SLC25A38: variants seen among roughly 807,000 people sequenced by gnomAD.
SLC25A38 encodes mitochondrial glycine transporter.
In SLC25A38, 27 loss-of-function variants were observed where a neutral mutation model predicts 33.4. The ratio of observed to expected loss-of-function variants is 0.81; its 90% CI spans 0.60 to 1.11. The LOEUF (loss-of-function observed/expected upper bound fraction) is 1.11. Ranked by LOEUF, SLC25A38 falls within the 50% of genes most tolerant of loss-of-function variation. The pLI is 0.00. For synonymous variants in SLC25A38, 123 were observed against 145.9 expected (o/e 0.84, Z 1.13); for missense variants, 344 against 388.8 (o/e 0.88, Z 0.97).
chr3:39,395,776 C>T (rs1176773115), intron 6 of SLC25A38, among the ~76,000 whole-genome samples: 3 of 151,992 alleles, frequency 2.0e-5, no homozygotes, highest in Admixed American at 2.0e-4. Context: ...GCCTGGATTT[C>T]ATCTGCTACT....
chr3:39,384,868 T>G (rs960114655), intron 1 of SLC25A38, among the ~76,000 whole-genome samples: 1 of 151,404 alleles, frequency 6.6e-6, no homozygotes, highest in African/African-American at 2.4e-5. Context: ...TGGCGTGATC[T>G]CGGCTCAACT....
intron 6 of SLC25A38, 33 bp downstream of exon 6, chr3:39,394,609 G>C (rs1026959948): frequency 1.2e-6 from 2 of 1,613,170 alleles, no homozygotes; most frequent in East Asian, 4.5e-5. Flanking sequence ...GGTTCTTGTG[G>C]TGTTTAAGGA....
At position 39,389,633 on chromosome 3, in the gene SLC25A38, A is replaced by G; in HGVS notation, c.191+17A>G. ...AGATCATGGGTAGGCCCTGCATTTC[A>G]TTGGGGAACTGATTTCAGCAACTTC... On this transcript the variant is annotated intron_variant, in intron 2 of 6. Transcript: ENST00000650617. This position sits in a 1 kb window ranked among gnomAD's most constrained non-coding sequence, Gnocchi z 4.5. 3.1e-6 allele frequency: 5 copies of G among 1,614,094 alleles called. No individual in the cohort carries two copies. Among genetic ancestry groups the G allele is most frequent in the Non-Finnish European group, 4.2e-6 (5 of 1,180,022 alleles).
intron 5 of SLC25A38, among the ~76,000 whole-genome samples, chr3:39,394,048 T>C (rs2041803551): frequency 6.6e-6 from 1 of 152,238 alleles, no homozygotes; most frequent in South Asian, 2.1e-4. Flanking sequence ...TTGGATAAGA[T>C]ACTGACAGGT....
rs1466629783 is a variant in SLC25A38 at position 39,391,532 on chromosome 3, C to T, written c.368C>T (p.Ala123Val). The change falls in exon 4 of 7, where the codon GCC becomes GTC. Residue 123 changes from alanine to valine, a missense_variant. Transcript: ENST00000650617. ...TTCTTGCGAGGCCATCCCCCAACCG[C>T]CCTGGAGTCAGTCATGCTGGGGGTG... ...QYFLRGHPPT[A>V]LESVMLGVGS... 6.2e-7 allele frequency: 1 copy of T among 1,614,096 alleles called. No homozygotes were observed. The highest frequency in any genetic ancestry group is 8.5e-7 in the Non-Finnish European group (1 of 1,180,054).
chr3:39,383,481 G>A lies in SLC25A38; in HGVS notation c.-244G>A, dbSNP rs1014700353. 1.8e-6 allele frequency: 1 copy of A among 558,988 alleles called. No individual in the cohort carries two copies. Among genetic ancestry groups the A allele is most frequent in the East Asian group, 3.1e-5 (1 of 32,134 alleles). 34.6% of individuals were successfully genotyped at this position (558,988 alleles called of 1,614,324 possible). On this transcript the variant is annotated 5_prime_UTR_variant, in exon 1 of 7. Coordinates refer to ENST00000650617, the MANE Select transcript of SLC25A38 (RefSeq NM_017875.4). ...AGGAGAGCAGAGCCGCGGAGTCTGC[G>A]GCGCGGGTGAAGAGCGGCGCGTAAT...
chr3:39,391,798 A>G, intron 4 of SLC25A38, 55 bp from the exon 5 acceptor site: 1 of 1,611,864 alleles, frequency 6.2e-7, no homozygotes, highest in Non-Finnish European at 8.5e-7. Context: ...CTGCTTGTTC[A>G]GTGCTGAAAT....
intron 1 of SLC25A38, among the ~76,000 whole-genome samples, chr3:39,384,153 G>A (rs1393170359): frequency 6.6e-6 from 1 of 152,244 alleles, no homozygotes; most frequent in Admixed American, 6.5e-5. Context: ...ACGGTCACAA[G>A]GCCTGATAAT....
chr3:39,387,247 GT>G (rs1224556898), intron 1 of SLC25A38, among the ~76,000 whole-genome samples: 1 of 152,180 alleles, frequency 6.6e-6, no homozygotes, highest in Non-Finnish European at 1.5e-5. Context: ...GGACACATTT[GT>G]AACCTCTGTG....
intron 6 of SLC25A38, 137 bp downstream of exon 6, chr3:39,394,713 C>T (rs566939365): frequency 4.7e-4 from 449 of 959,224 alleles, no homozygotes; most frequent in Middle Eastern, 2.7e-3. Context: ...AAATCTAGGC[C>T]AACTATATCA....
At chr3:39,390,340 G>A in intron 2 of SLC25A38, 83 bp from the exon 3 acceptor site, 3 of 1,347,620 alleles carry the variant, frequency 2.2e-6, no homozygotes, top group African/African-American at 1.4e-5. Flanking sequence ...GTCTATAAAG[G>A]AAGTGTTTGA....
Position 39,394,569 on chromosome 3 carries a change from T to C in SLC25A38, c.785T>C (p.Ile262Thr), listed in dbSNP as rs751652986. The change falls in exon 6 of 7, where the codon ATT becomes ACT. Residue 262 changes from isoleucine (I) to threonine (T), a missense_variant. Physicochemically the swap from Ile to Thr is moderately conservative, Grantham distance 89 (BLOSUM62 -1). Coordinates refer to ENST00000650617, the MANE Select transcript of SLC25A38 (RefSeq NM_017875.4). ...FQWIGQAVTL[I>T]FKDYGLRGFF... ...TGGATTGGCCAAGCAGTGACACTTA[T>C]TTTCAAAGTAAGACTACAAAATAAG... The C allele has an allele frequency of 6.2e-7, 1 of 1,614,172 alleles. No individual in the cohort carries two copies. The highest frequency in any genetic ancestry group is 1.6e-4 in the Middle Eastern group (1 of 6,062).
Position 39,389,400 on chromosome 3 carries a change from A to G in SLC25A38, c.70-95A>G, listed in dbSNP as rs532422447. ...ATGAGGCACCACCAGGTAAGTGTCT[A>G]AGAGACCATTATAAAGGAATTTGCT... is the stretch of plus-strand genomic sequence containing the variant. On this transcript the variant is annotated intron_variant, in intron 1 of 6. Coordinates refer to ENST00000650617, the MANE Select transcript of SLC25A38 (RefSeq NM_017875.4). This position sits in a 1 kb window ranked among gnomAD's most constrained non-coding sequence, Gnocchi z 4.5. The G allele has an allele frequency of 6.3e-7, 1 of 1,597,608 alleles. No homozygotes were observed. Among genetic ancestry groups the G allele is most frequent in the African/African-American group, 1.3e-5 (1 of 74,792 alleles).
In SLC25A38 at chr3:39,396,955, A is replaced by G. The variant is rs2041838288; in HGVS notation, c.*435A>G. The G allele has an allele frequency of 3.4e-6, 1 of 291,796 alleles. No homozygotes were observed. Among genetic ancestry groups the G allele is most frequent in the South Asian group, 3.5e-5 (1 of 28,492 alleles). 18.1% of individuals were successfully genotyped at this position (291,796 alleles called of 1,614,324 possible). On this transcript the variant is annotated 3_prime_UTR_variant, in exon 7 of 7. Transcript: ENST00000650617. ...CAACCAGGGAAGACTGGATGTGAGG[A>G]GAGGAGTCACTGTCACCAGGTCACA...
At chr3:39,383,891 C>T (rs2041676638) in intron 1 of SLC25A38, 98 bp downstream of exon 1, 3 of 1,335,562 alleles carry the variant, frequency 2.2e-6, no homozygotes, top group South Asian at 2.4e-5. Flanking sequence ...CTTTTCCGCG[C>T]CCCAGGGTGC....
chr3:39,391,505 A>G lies in SLC25A38; in HGVS notation c.341A>G (p.Tyr114Cys), dbSNP rs777368684. 5 of 1,614,120 alleles carry G rather than the reference A, an allele frequency of 3.1e-6. No homozygotes were observed. ...YFGTLYSLKQ[Y>C]FLRGHPPTAL... ...GGCACTCTCTACTCTTTGAAGCAGT[A>G]TTTCTTGCGAGGCCATCCCCCAACC... The change falls in exon 4 of 7, where the codon TAT becomes TGT. Residue 114 changes from tyrosine (Y) to cysteine (C), a missense_variant. Around this residue, in one of 2 missense-constraint regions of SLC25A38, gnomAD observed 269 missense variants for 271.8 expected, o/e 0.99. Coordinates refer to ENST00000650617, the MANE Select transcript of SLC25A38 (RefSeq NM_017875.4).
chr3:39,383,869 G>C (rs1575240189), intron 1 of SLC25A38, 76 bp downstream of exon 1: 2 of 1,540,412 alleles, frequency 1.3e-6, no homozygotes, highest in East Asian at 4.6e-5. Context: ...GCGTTGCTAA[G>C]GCTCGGCTAC....
intron 6 of SLC25A38, among the ~76,000 whole-genome samples, chr3:39,395,908 C>CA (rs34695883): frequency 0.45 from 64,876 of 144,608 alleles, 15,892 homozygotes; most frequent in East Asian, 0.65. Flanking sequence ...CCAGCAACTA[C>CA]AAAAAAAAAA....
In SLC25A38 at chr3:39,389,218, T is replaced by C. The variant is rs767907858; in HGVS notation, c.70-277T>C. 9.0e-6 allele frequency: 6 copies of C among 664,664 alleles called. No individual in the cohort carries two copies. The highest frequency in any genetic ancestry group is 1.6e-5 in the Non-Finnish European group (6 of 367,218). 41.2% of individuals were successfully genotyped at this position (664,664 alleles called of 1,614,324 possible). ...AGTCAGAACAAATAGGGAAGAGTGG[T>C]CAGTGGCATGGAAATAGTTTTGCTC... is the stretch of plus-strand genomic sequence containing the variant. On this transcript the variant is annotated intron_variant, in intron 1 of 6. Transcript: ENST00000650617. The surrounding 1 kb of genome is among the most constrained non-coding windows in gnomAD (Gnocchi z 4.5).
Sources: allele counts gnomAD v4.1 joint callset (sites outside exome capture counted in the v4.1 genomes callset), GRCh38; gene constraint gnomAD v4.1.1; regional missense constraint gnomAD v4.1.1; non-coding constraint Gnocchi (gnomAD v3.1); transcripts MANE v1.5; gene names NCBI Gene and HGNC (gene_info 2026-07-23, HGNC 2026-07-21).